Variants in COL1A2 observed in about 807,000 individuals in gnomAD.
The protein encoded by COL1A2 is collagen alpha-2(I) chain.
A neutral mutation model predicts 174.3 loss-of-function variants in COL1A2; 49 were observed. The ratio of observed to expected loss-of-function variants is 0.28; its 90% CI spans 0.22 to 0.36. COL1A2 has a LOEUF of 0.36. COL1A2 is among the 10% of genes least tolerant of loss of function. The pLI, the probability that COL1A2 is intolerant of heterozygous loss-of-function variation, is 1.00. For missense variants in COL1A2, 1,438 were observed against 1,822.7 expected (o/e 0.79, Z 3.84); for synonymous variants, 655 against 606.6 (o/e 1.08, Z -1.17).
At position 94,399,046 on chromosome 7, in the gene COL1A2, T is replaced by C. The variant is rs1296946849; in HGVS notation, c.97-3T>C. 1.2e-6 allele frequency: 2 copies of C among 1,613,556 alleles called. No homozygotes were observed. The highest frequency in any genetic ancestry group is 1.7e-5 in the Admixed American group (1 of 59,994). On this transcript the variant is annotated splice_polypyrimidine_tract_variant and splice_region_variant and intron_variant, in intron 3 of 51. Transcript: ENST00000297268. The stretch of plus-strand genomic sequence containing the variant: ...TATTGTCCTGTTTGTATCTTTCCTG[T>C]AGGGCCCAGCCGGAGATAGAGGACC...
chr7:94,407,497 G>A (rs534255148), intron 12 of COL1A2, among the ~76,000 whole-genome samples: 5 of 152,146 alleles, frequency 3.3e-5, no homozygotes, highest in South Asian at 4.1e-4. Flanking sequence ...ACTTTAAAAA[G>A]GATAAATATG....
rs182025434 is a variant in COL1A2, at chr7:94,430,021, T to G, written c.3955-226T>G. The G allele has an allele frequency of 3.3e-5, 19 of 567,978 alleles. No homozygotes were observed. The African/African-American group carries it at 3.6e-4, about 11-fold the overall frequency. The allele number at this position is 567,978 out of a possible 1,614,324, so 35.2% of individuals were successfully genotyped here. A position where few individuals can be genotyped will look rare whatever the true frequency, so the allele number is the denominator to read the frequency against. On this transcript the variant is annotated intron_variant, in intron 51 of 51. Transcript: ENST00000297268. ...GGAATGTGTGTTGAAATGTTGTTGG[T>G]TTTTTTGGTTTGTTTGTTTGTTTGT...
chr7:94,409,958 T>C lies in COL1A2; in HGVS notation c.1035+137T>C. The C allele has an allele frequency of 3.4e-6, 3 of 883,618 alleles. No individual in the cohort carries two copies. In the South Asian group the frequency reaches 4.3e-5, roughly 13 times the overall value. The allele number at this position is 883,618 out of a possible 1,614,324, so 54.7% of individuals were successfully genotyped here. A position where few individuals can be genotyped will look rare whatever the true frequency, so the allele number is the denominator to read the frequency against. ...TAGCATTTTTAGTTTATATTTCTTA[T>C]ATATATATGTACACTCCCGTCTGCT... On this transcript the variant is annotated intron_variant, in intron 19 of 51. Coordinates refer to ENST00000297268, the MANE Select transcript of COL1A2 (RefSeq NM_000089.4).
Position 94,402,610 on chromosome 7 carries a change from G to A in COL1A2, c.279+990G>A, listed in dbSNP as rs111546278. Among the ~76,000 whole-genome samples the A allele has an allele frequency of 3.7e-3, 564 of 152,176 alleles. 6 individuals carry two copies. Among genetic ancestry groups the A allele is most frequent in the Admixed American group, 4.7e-3 (72 of 15,270 alleles). On this transcript the variant is annotated intron_variant, in intron 6 of 51. Transcript: ENST00000297268. ...AAATGCTAATACGAGCATGCAAAATGTATACTAGCATATATGAAATAGAGG... is the reference window on the plus strand; with the variant it reads ...AAATGCTAATACGAGCATGCAAAATATATACTAGCATATATGAAATAGAGG...
At chr7:94,417,378 TAA>T in intron 31 of COL1A2, 1 of 343,822 alleles carries the variant, frequency 2.9e-6, no homozygotes, top group Non-Finnish European at 5.6e-6. Flanking sequence ...CTATCTGGGC[TAA>T]GAGACTTATC....
chr7:94,409,519 A>C (rs1475709080), intron 17 of COL1A2, 45 bp from the exon 18 acceptor site: 2 of 1,613,612 alleles, frequency 1.2e-6, no homozygotes, highest in South Asian at 1.1e-5. Context: ...AAGAACCGAA[A>C]TATTCCAATT....
rs761823309 is a variant in COL1A2, at chr7:94,400,285, T to C, written c.222T>C (p.Gly74=). 1.9e-6 allele frequency: 3 copies of C among 1,613,354 alleles called. No homozygotes were observed. The Admixed American group carries it at 5.0e-5, about 27-fold the overall frequency. The change falls in exon 5 of 52, where the codon GGT becomes GGC. Residue 74 remains glycine (G), a synonymous_variant. Coordinates refer to ENST00000297268, the MANE Select transcript of COL1A2 (RefSeq NM_000089.4). The part of the protein sequence containing the change: ...PPGPPGPPGL[G]GNFAAQYDGK... ...GTCCTCCTGGCCCCCCTGGTCTCGG[T>C]GGGGTAAGGTGTCTTACGTATTGCT... is the stretch of plus-strand genomic sequence containing the variant.
intron 45 of COL1A2, 139 bp downstream of exon 45, chr7:94,426,190 A>C: frequency 1.1e-6 from 1 of 895,434 alleles, no homozygotes; most frequent in Admixed American, 2.0e-5. Context: ...GAATTGATAC[A>C]AATAACTTGA....
intron 41 of COL1A2, chr7:94,424,832 TA>T (rs1483772417): frequency 2.0e-6 from 1 of 493,740 alleles, no homozygotes; most frequent in Non-Finnish European, 3.7e-6. Flanking sequence ...CTCATCTCCA[TA>T]AAATATATCA....
chr7:94,425,291 T>C, intron 42 of COL1A2, 67 bp downstream of exon 42: 2 of 1,414,546 alleles, frequency 1.4e-6, no homozygotes, highest in Non-Finnish European at 2.0e-6. Flanking sequence ...CTTTATGTCC[T>C]GAGCTGAGGT....
In COL1A2 at chr7:94,430,465, T is replaced by C; in HGVS notation, c.*72T>C. The C allele has an allele frequency of 6.6e-7, 1 of 1,504,154 alleles. No individual in the cohort carries two copies. The highest frequency in any genetic ancestry group is 9.2e-7 in the Non-Finnish European group (1 of 1,092,048). 93.2% of individuals were successfully genotyped at this position (1,504,154 alleles called of 1,614,324 possible). A position where few individuals can be genotyped will look rare whatever the true frequency, so the allele number is the denominator to read the frequency against. On this transcript the variant is annotated 3_prime_UTR_variant, in exon 52 of 52. Coordinates refer to ENST00000297268, the MANE Select transcript of COL1A2 (RefSeq NM_000089.4). The stretch of plus-strand genomic sequence containing the variant: ...CTCTTTGCCATTTCTTCTTCTTCTT[T>C]TTTAACTGAAAGCTGAATCCTTCCA...
At chr7:94,424,314 T>C (rs1443427273) in intron 40 of COL1A2, 22 bp from the exon 41 acceptor site, 10 of 1,594,348 alleles carry the variant, frequency 6.3e-6, no homozygotes, top group Non-Finnish European at 8.6e-6. Flanking sequence ...CCCATAATAC[T>C]CAGTATTTTT....
At chr7:94,429,153 T>A in intron 50 of COL1A2, 35 bp from the exon 51 acceptor site, 1 of 1,536,066 alleles carries the variant, frequency 6.5e-7, no homozygotes, top group Non-Finnish European at 9.0e-7. Flanking sequence ...TGAGTCCTTC[T>A]CCACTTAACT....
intron 11 of COL1A2, 134 bp from the exon 12 acceptor site, chr7:94,406,116 G>A: frequency 1.1e-6 from 1 of 887,918 alleles, no homozygotes; most frequent in East Asian, 2.6e-5. Context: ...CTGGGACCTG[G>A]AACACTGGAC....
chr7:94,411,175 G>A (rs1325899477), intron 23 of COL1A2, 21 bp downstream of exon 23: 1 of 1,527,712 alleles, frequency 6.5e-7, no homozygotes, highest in East Asian at 2.4e-5. Context: ...AACTGATTCT[G>A]AGCAAATCAC....
intron 46 of COL1A2, 45 bp downstream of exon 46, chr7:94,426,575 C>A (rs538723990): frequency 3.5e-6 from 5 of 1,412,496 alleles, no homozygotes; most frequent in Admixed American, 1.9e-5. Flanking sequence ...ATCCTGAAGG[C>A]CTTCAGCTCA....
intron 15 of COL1A2, 101 bp downstream of exon 15, chr7:94,408,481 T>C: frequency 7.3e-7 from 1 of 1,366,322 alleles, no homozygotes; most frequent in Non-Finnish European, 1.0e-6. Context: ...TCAGACACTT[T>C]ACCAAATGTT....
chr7:94,405,526 T>G, intron 10 of COL1A2, 147 bp from the exon 11 acceptor site: 1 of 820,144 alleles, frequency 1.2e-6, no homozygotes, highest in Non-Finnish European at 2.1e-6. Context: ...TTAGAGCAAG[T>G]TAATTTGTCA....
At chr7:94,400,072 T>C (rs772917337) in intron 4 of COL1A2, 124 bp from the exon 5 acceptor site, 2 of 856,826 alleles carry the variant, frequency 2.3e-6, no homozygotes, top group East Asian at 2.4e-5. Context: ...ATGACAAATA[T>C]AGTATATTAA....
Sources: gnomAD v4.1 joint callset for allele counts (sites outside exome capture counted in the v4.1 genomes callset) on GRCh38, gnomAD v4.1.1 for gene constraint, MANE v1.5 for transcripts, NCBI Gene and HGNC (gene_info 2026-07-23, HGNC 2026-07-21) for gene names.